Variants in TBL1XR1 observed in about 807,000 individuals in gnomAD.
TBL1XR1 encodes the protein F-box-like/WD repeat-containing protein TBL1XR1.
TBL1XR1 carries 5 observed loss-of-function variants against 66.9 expected under a neutral mutation model. The observed-to-expected ratio is 0.07, with a 90% confidence interval of 0.04 to 0.16. TBL1XR1 has a LOEUF of 0.16. Ranked by LOEUF, TBL1XR1 falls within the 10% of genes least tolerant of loss-of-function variation. TBL1XR1 has a pLI of 1.00. For missense variants in TBL1XR1, 238 were observed against 623.2 expected (o/e 0.38, Z 6.58); for synonymous variants, 210 against 206.0 (o/e 1.02, Z -0.17).
At chr3:177,040,165 A>G (rs927720602) in intron 10 of TBL1XR1, among the ~76,000 whole-genome samples, 1 of 152,152 alleles carries the variant, frequency 6.6e-6, no homozygotes, top group African/African-American at 2.4e-5. Flanking sequence ...AAAATAAAAA[A>G]TTAGCCAGGT....
chr3:177,190,716 A>G (rs547005480), intron 1 of TBL1XR1, among the ~76,000 whole-genome samples: 2 of 152,308 alleles, frequency 1.3e-5, no homozygotes, highest in Non-Finnish European at 2.9e-5. Flanking sequence ...TGACTATAGC[A>G]CACCTAAATC....
At chr3:177,115,618 C>A (rs1233423239) in intron 1 of TBL1XR1, among the ~76,000 whole-genome samples, 8 of 151,846 alleles carry the variant, frequency 5.3e-5, no homozygotes, top group African/African-American at 1.9e-4. Flanking sequence ...ACGCCTCATT[C>A]CACTCTTTCC....
intron 2 of TBL1XR1, among the ~76,000 whole-genome samples, chr3:177,097,308 G>A (rs912833647): frequency 1.3e-5 from 2 of 151,962 alleles, no homozygotes; most frequent in Non-Finnish European, 2.9e-5. Context: ...CTTTAAAAAA[G>A]TAAAAATTCA....
intron 15 of TBL1XR1, 126 bp downstream of exon 15, chr3:177,026,247 A>G: frequency 1.3e-6 from 1 of 773,232 alleles, no homozygotes; most frequent in South Asian, 1.8e-5. Context: ...CCTCAGGAAA[A>G]AAAAAAATCA....
At chr3:177,104,110 G>C (rs572300040) in intron 1 of TBL1XR1, among the ~76,000 whole-genome samples, 28 of 125,362 alleles carry the variant, frequency 2.2e-4, no homozygotes, top group Non-Finnish European at 1.8e-4. Context: ...AGCGAGACTC[G>C]GTCTCCAAAA....
chr3:177,117,076 T>C (rs1057252727), intron 1 of TBL1XR1, among the ~76,000 whole-genome samples: 3 of 152,170 alleles, frequency 2.0e-5, no homozygotes, highest in African/African-American at 4.8e-5. Flanking sequence ...CTAGAATAAA[T>C]ACTGAATATA....
chr3:177,070,635 G>A (rs546259105), intron 2 of TBL1XR1, among the ~76,000 whole-genome samples: 1 of 152,280 alleles, frequency 6.6e-6, no homozygotes, highest in South Asian at 2.1e-4. Flanking sequence ...GATCACCTGA[G>A]GTCAGGAGTT....
upstream of TBL1XR1, among the ~76,000 whole-genome samples, chr3:177,201,414 C>CAAAA (rs557996871): frequency 7.3e-4 from 30 of 41,200 alleles, no homozygotes; most frequent in East Asian, 1.6e-3. Flanking sequence ...GATTACATCT[C>CAAAA]AAAAAAAAAA....
chr3:177,033,146 G>A lies in TBL1XR1; in HGVS notation c.1251-10C>T, dbSNP rs779947196. 1.3e-6 allele frequency: 2 copies of A among 1,509,292 alleles called. No homozygotes were observed. Among genetic ancestry groups the A allele is most frequent in the South Asian group, 2.7e-5 (2 of 75,438 alleles). 93.5% of individuals were successfully genotyped at this position (1,509,292 alleles called of 1,614,324 possible). A position where few individuals can be genotyped will look rare whatever the true frequency, so the allele number is the denominator to read the frequency against. ...AGAATCAAAGGATGCACTGAAAAAG[G>A]AAGGAAAGAAAGTTAATTTATAAGT... is the stretch of plus-strand genomic sequence containing the variant. On this transcript the variant is annotated splice_polypyrimidine_tract_variant and intron_variant, in intron 13 of 15. Transcript: ENST00000457928.
At chr3:177,173,233 G>A (rs1480017852) in intron 1 of TBL1XR1, among the ~76,000 whole-genome samples, 1 of 152,078 alleles carries the variant, frequency 6.6e-6, no homozygotes, top group East Asian at 1.9e-4. Context: ...TAATTACCGT[G>A]GTGATTTTAA....
At position 177,019,917 on chromosome 3, in the gene TBL1XR1, A is replaced by C. The variant is rs759968645; in HGVS notation, c.*5581T>G. On this transcript the variant is annotated 3_prime_UTR_variant, in exon 16 of 16. Coordinates refer to ENST00000457928, the MANE Select transcript of TBL1XR1 (RefSeq NM_024665.7). ...CTTATTTCTAATAAAACATAAAACTATGCTTGAATTTATTTCTGTTTAAGG... is the reference window on the plus strand; with the variant it reads ...CTTATTTCTAATAAAACATAAAACTCTGCTTGAATTTATTTCTGTTTAAGG... 6.6e-6 allele frequency: 1 copy of C among 151,912 alleles called. No individual in the cohort carries two copies. The highest frequency in any genetic ancestry group is 1.5e-5 in the Non-Finnish European group (1 of 67,966). 9.4% of individuals were successfully genotyped at this position (151,912 alleles called of 1,614,324 possible). A position where few individuals can be genotyped will look rare whatever the true frequency, so the allele number is the denominator to read the frequency against.
chr3:177,105,355 G>C (rs915747120), intron 1 of TBL1XR1, among the ~76,000 whole-genome samples: 1 of 152,218 alleles, frequency 6.6e-6, no homozygotes, highest in African/African-American at 2.4e-5. Flanking sequence ...AGTGTGGGGG[G>C]CCGAAGGAGG....
At chr3:177,170,981 G>A (rs574771048) in intron 1 of TBL1XR1, among the ~76,000 whole-genome samples, 1 of 152,190 alleles carries the variant, frequency 6.6e-6, no homozygotes, top group East Asian at 1.9e-4. Context: ...AGCCCACTGA[G>A]TGAATAACTG....
intron 1 of TBL1XR1, among the ~76,000 whole-genome samples, chr3:177,151,867 T>C (rs1730928784): frequency 6.6e-6 from 1 of 151,954 alleles, no homozygotes; most frequent in South Asian, 2.1e-4. Context: ...CTACTAAAAA[T>C]ACAAAAATCA....
intron 10 of TBL1XR1, 64 bp from the exon 11 acceptor site, chr3:177,038,498 C>T (rs940802304): frequency 4.0e-5 from 56 of 1,403,030 alleles, no homozygotes; most frequent in East Asian, 3.6e-4. Context: ...AGAGTTTTAG[C>T]TTTGAACCAT....
intron 1 of TBL1XR1, among the ~76,000 whole-genome samples, chr3:177,156,978 T>C (rs1309078927): frequency 6.6e-6 from 1 of 152,176 alleles, no homozygotes; most frequent in African/African-American, 2.4e-5. Context: ...ACAAATTTGT[T>C]AATTTGTAGT....
intron 1 of TBL1XR1, chr3:177,195,469 G>GCCTGGGT: frequency 1.8e-5 from 1 of 55,716 alleles, no homozygotes; most frequent in Non-Finnish European, 6.4e-5. Context: ...TACAATCCCA[G>GCCTGGGT]GAAGTCGGCA....
At chr3:177,183,770 A>C (rs950482959) in intron 1 of TBL1XR1, among the ~76,000 whole-genome samples, 1 of 151,596 alleles carries the variant, frequency 6.6e-6, no homozygotes, top group Admixed American at 6.6e-5. Flanking sequence ...CGACCAAAAA[A>C]CTTTATTTTT....
intron 1 of TBL1XR1, among the ~76,000 whole-genome samples, chr3:177,166,154 AG>A (rs1222669549): frequency 1.3e-5 from 2 of 152,174 alleles, no homozygotes; most frequent in Non-Finnish European, 2.9e-5. Context: ...TGGGAGGCCA[AG>A]GCAGGTGGAT....
Sources: gnomAD v4.1 joint callset for allele counts (sites outside exome capture counted in the v4.1 genomes callset) on GRCh38, gnomAD v4.1.1 for gene constraint, MANE v1.5 for transcripts, NCBI Gene and HGNC (gene_info 2026-07-23, HGNC 2026-07-21) for gene names.